Variants in HDAC9 observed in about 807,000 individuals in gnomAD.
HDAC9 encodes the protein histone deacetylase 9.
HDAC9 carries 41 observed loss-of-function variants against 139.4 expected under a neutral mutation model. The observed-to-expected ratio is 0.29, with a 90% CI of 0.23 to 0.38. The LOEUF is 0.38. Among genes scored for constraint, HDAC9 ranks in the 10% least tolerant of loss-of-function variants. The pLI is 1.00. For missense variants in HDAC9, 1,147 were observed against 1,297.0 expected, an observed-to-expected ratio of 0.88 and a Z score of 1.78; for synonymous variants, 517 against 476.2, an observed-to-expected ratio of 1.09 and a Z score of -1.12.
At chr7:18,120,529 A>C (rs1562641228) in intron 1 of HDAC9, among the ~76,000 whole-genome samples, 1 of 152,030 alleles carries the variant, frequency 6.6e-6, no homozygotes, top group Non-Finnish European at 1.5e-5. Flanking sequence ...AGTTTTCTTC[A>C]TCCTCGTTTC....
At chr7:18,750,748 C>T (rs1295866545) in intron 14 of HDAC9, among the ~76,000 whole-genome samples, 2 of 152,168 alleles carry the variant, frequency 1.3e-5, no homozygotes, top group African/African-American at 2.4e-5. Flanking sequence ...AGTAGACCAG[C>T]AAGGAGAATT....
chr7:18,536,987 T>C (rs946977877), intron 2 of HDAC9, among the ~76,000 whole-genome samples: 2 of 152,252 alleles, frequency 1.3e-5, no homozygotes, highest in Non-Finnish European at 2.9e-5. Flanking sequence ...ATTAGTTTAC[T>C]AGAATATCCT....
At position 18,325,277 on chromosome 7, in the gene HDAC9, T is replaced by A. The variant is rs574345947; in HGVS notation, c.-42+34762T>A. 2.0e-4 allele frequency among the ~76,000 whole-genome samples: 30 copies of A among 152,258 alleles called. No homozygotes were observed. The South Asian group carries it at 4.8e-3, about 24-fold the overall frequency. ...CTTTTCAAAAGAAAACCCTATTTTTTAAATATAACAGCAATGAATAAAACA... is the reference window on the plus strand; with the variant it reads ...CTTTTCAAAAGAAAACCCTATTTTTAAAATATAACAGCAATGAATAAAACA... On this transcript the variant is annotated intron_variant, in intron 1 of 3. Coordinates refer to the HDAC9 transcript ENST00000413509.
intron 1 of HDAC9, among the ~76,000 whole-genome samples, chr7:18,427,677 C>G (rs938479316): frequency 6.6e-6 from 1 of 151,526 alleles, no homozygotes; most frequent in African/African-American, 2.4e-5. Flanking sequence ...ATCGCCCACC[C>G]TGGACACAGT....
At chr7:18,645,923 G>T (rs1787246737) in intron 9 of HDAC9, among the ~76,000 whole-genome samples, 1 of 152,128 alleles carries the variant, frequency 6.6e-6, no homozygotes, top group East Asian at 1.9e-4. Flanking sequence ...ATTTTATGTG[G>T]TACTGTGTTC....
At chr7:18,578,837 C>G (rs1403884734) in intron 2 of HDAC9, among the ~76,000 whole-genome samples, 1 of 151,888 alleles carries the variant, frequency 6.6e-6, no homozygotes, top group African/African-American at 2.4e-5. Flanking sequence ...GAGAAGGCTC[C>G]CAGTGAAAAC....
intron 2 of HDAC9, among the ~76,000 whole-genome samples, chr7:18,208,720 A>G (rs1277761576): frequency 1.3e-5 from 2 of 152,154 alleles, no homozygotes; most frequent in African/African-American, 2.4e-5. Flanking sequence ...TTGATAAGAT[A>G]TAGAAAAAAA....
At chr7:18,266,685 A>G (rs1796023129) in intron 2 of HDAC9, among the ~76,000 whole-genome samples, 1 of 152,204 alleles carries the variant, frequency 6.6e-6, no homozygotes, top group Non-Finnish European at 1.5e-5. Flanking sequence ...TTTAAGGGAT[A>G]CAATGACTGT....
chr7:18,264,476 T>C (rs964777789), intron 2 of HDAC9, among the ~76,000 whole-genome samples: 2 of 152,196 alleles, frequency 1.3e-5, no homozygotes, highest in African/African-American at 2.4e-5. Context: ...ATTAATGAAT[T>C]AATTTAAAGA....
intron 13 of HDAC9, among the ~76,000 whole-genome samples, chr7:18,730,793 A>G (rs1317674166): frequency 6.6e-6 from 1 of 152,182 alleles, no homozygotes; most frequent in African/African-American, 2.4e-5. Flanking sequence ...CAACTTTAGC[A>G]TATGATTTTT....
intron 17 of HDAC9, among the ~76,000 whole-genome samples, chr7:18,794,407 T>G (rs1792601445): frequency 2.6e-5 from 4 of 152,230 alleles, no homozygotes; most frequent in Admixed American, 2.6e-4. Flanking sequence ...TGATTAAAAA[T>G]GTGGAGTAGG....
intron 2 of HDAC9, among the ~76,000 whole-genome samples, chr7:18,225,911 C>G (rs1229183284): frequency 6.6e-6 from 1 of 152,072 alleles, no homozygotes; most frequent in Non-Finnish European, 1.5e-5. Context: ...AGAGTATTAA[C>G]TGTTTTCTGT....
At chr7:18,835,785 T>G in intron 20 of HDAC9, 115 bp from the exon 21 acceptor site, 2 of 971,946 alleles carry the variant, frequency 2.1e-6, no homozygotes, top group Non-Finnish European at 3.1e-6. Context: ...TGGGCTGATT[T>G]GATGTGTTGT....
chr7:18,716,091 C>G (rs764201580), intron 12 of HDAC9, among the ~76,000 whole-genome samples: 7 of 152,186 alleles, frequency 4.6e-5, no homozygotes, highest in Non-Finnish European at 1.0e-4. Flanking sequence ...CTCAAGAGAT[C>G]CATCTTATTC....
intron 16 of HDAC9, among the ~76,000 whole-genome samples, chr7:18,774,361 A>G (rs1790577192): frequency 6.6e-6 from 1 of 152,026 alleles, no homozygotes; most frequent in Non-Finnish European, 1.5e-5. Flanking sequence ...TGATTTATAT[A>G]ATCTCTAATT....
intron 1 of HDAC9, among the ~76,000 whole-genome samples, chr7:18,106,676 A>G (rs1646625411): frequency 6.6e-6 from 1 of 151,862 alleles, no homozygotes; most frequent in African/African-American, 2.4e-5. Flanking sequence ...CTGGTCTTGA[A>G]CTCCTAACCT....
chr7:18,187,446 C>T lies in HDAC9; in HGVS notation c.25+25097C>T, dbSNP rs892435675. On this transcript the variant is annotated intron_variant, in intron 2 of 12. Coordinates refer to the HDAC9 transcript ENST00000417496. Reference sequence around the variant, plus strand: ...TTTGTTAATTCATTTATTCATACTTCACTCAGTAGTCGTTTGACTTTCTTC... The same window carrying T: ...TTTGTTAATTCATTTATTCATACTTTACTCAGTAGTCGTTTGACTTTCTTC... 3.9e-5 allele frequency among the ~76,000 whole-genome samples: 6 copies of T among 152,292 alleles called. No individual in the cohort carries two copies. In the South Asian group the frequency reaches 1.0e-3, roughly 26 times the overall value.
intron 1 of HDAC9, among the ~76,000 whole-genome samples, chr7:18,116,729 C>G (rs957727474): frequency 7.9e-5 from 12 of 152,032 alleles, no homozygotes; most frequent in African/African-American, 2.7e-4. Context: ...TCCCCTTCAC[C>G]AAATTCAGTG....
At chr7:18,504,493 T>C (rs1382307544) in intron 2 of HDAC9, among the ~76,000 whole-genome samples, 1 of 152,108 alleles carries the variant, frequency 6.6e-6, no homozygotes, top group Admixed American at 6.5e-5. Context: ...TTAGTAGAGA[T>C]GGGGTTTCGC....
Sources: gnomAD v4.1 joint callset for allele counts (sites outside exome capture counted in the v4.1 genomes callset) on GRCh38, gnomAD v4.1.1 for gene constraint, MANE v1.5 for transcripts, NCBI Gene and HGNC (gene_info 2026-07-23, HGNC 2026-07-21) for gene names.